PPP2R2C: variants seen among roughly 807,000 people sequenced by gnomAD.
PPP2R2C encodes protein phosphatase 2, regulatory subunit B, gamma.
PPP2R2C carries 10 observed loss-of-function variants against 45.3 expected under a neutral mutation model. That is an observed-to-expected ratio of 0.22 (90% CI 0.14 to 0.37). The LOEUF is 0.37. Ranked by LOEUF, PPP2R2C falls within the 10% of genes least tolerant of loss-of-function variation. The pLI is 1.00. For missense variants in PPP2R2C, 308 were observed against 619.7 expected (o/e 0.50, Z 5.34); for synonymous variants, 257 against 245.4 (o/e 1.05, Z -0.44).
At chr4:6,479,505 A>C (rs1453497929) in intron 2 of PPP2R2C, among the ~76,000 whole-genome samples, 1 of 151,996 alleles carries the variant, frequency 6.6e-6, no homozygotes, top group Non-Finnish European at 1.5e-5. Flanking sequence ...ATGAAGACGA[A>C]GTCTGTGTGG....
At chr4:6,494,771 C>T (rs950697589) in intron 2 of PPP2R2C, among the ~76,000 whole-genome samples, 1 of 152,228 alleles carries the variant, frequency 6.6e-6, no homozygotes, top group African/African-American at 2.4e-5. Context: ...CTTGGCCCTT[C>T]CTGGAGTGTG....
chr4:6,496,800 G>T (rs1722892302), intron 2 of PPP2R2C, among the ~76,000 whole-genome samples: 1 of 152,044 alleles, frequency 6.6e-6, no homozygotes, highest in Admixed American at 6.6e-5. Context: ...GGTGGAGGTT[G>T]CAGTGAGCCG....
intron 1 of PPP2R2C, among the ~76,000 whole-genome samples, chr4:6,393,419 C>CA (rs1484218505): frequency 2.0e-5 from 3 of 152,234 alleles, no homozygotes; most frequent in African/African-American, 7.2e-5. Context: ...TGACACAGAT[C>CA]AGTACATCAT....
intron 1 of PPP2R2C, among the ~76,000 whole-genome samples, chr4:6,427,474 T>G (rs1719392420): frequency 6.6e-6 from 1 of 152,170 alleles, no homozygotes; most frequent in African/African-American, 2.4e-5. Context: ...CACCCTTGGC[T>G]CCAGCAAGGC....
At chr4:6,526,174 T>A (rs180797205) in intron 2 of PPP2R2C, among the ~76,000 whole-genome samples, 55 of 152,382 alleles carry the variant, frequency 3.6e-4, no homozygotes, top group Middle Eastern at 3.4e-3. Context: ...GCATGTAACA[T>A]ACATGTTAGC....
chr4:6,488,320 G>T (rs1416890183), intron 2 of PPP2R2C, among the ~76,000 whole-genome samples: 1 of 152,174 alleles, frequency 6.6e-6, no homozygotes, highest in East Asian at 1.9e-4. Context: ...CTTTTAGGGT[G>T]CTGGATTTGT....
At chr4:6,385,174 C>G (rs2109321899) in intron 1 of PPP2R2C, among the ~76,000 whole-genome samples, 1 of 152,316 alleles carries the variant, frequency 6.6e-6, no homozygotes, top group South Asian at 2.1e-4. Context: ...CGCCCAACCT[C>G]ACTGTGGATG....
At chr4:6,472,034 G>A (rs1721923987) in intron 1 of PPP2R2C, 126 bp downstream of exon 1, 23 of 1,103,354 alleles carry the variant, frequency 2.1e-5, no homozygotes, top group Non-Finnish European at 2.5e-5. Context: ...GTGGGATGGG[G>A]TGGGGTGGGG....
chr4:6,346,815 C>A (rs1433663365), intron 6 of PPP2R2C, among the ~76,000 whole-genome samples: 1 of 152,212 alleles, frequency 6.6e-6, no homozygotes, highest in East Asian at 1.9e-4. Flanking sequence ...CGCTCCCAAA[C>A]AGCCCTCTGC....
chr4:6,423,008 G>A (rs900611578), intron 1 of PPP2R2C, among the ~76,000 whole-genome samples: 2 of 152,152 alleles, frequency 1.3e-5, no homozygotes, highest in Non-Finnish European at 2.9e-5. Context: ...AGTGAGAAGG[G>A]GTTGTCATCG....
intron 2 of PPP2R2C, among the ~76,000 whole-genome samples, chr4:6,489,988 T>A (rs970122356): frequency 1.3e-5 from 2 of 152,166 alleles, no homozygotes; most frequent in Non-Finnish European, 2.9e-5. Flanking sequence ...AAACAGGCAA[T>A]TAAGCATGAT....
intron 1 of PPP2R2C, among the ~76,000 whole-genome samples, chr4:6,419,085 T>C (rs1718794074): frequency 6.6e-6 from 1 of 152,164 alleles, no homozygotes. Flanking sequence ...GCTAAGAATG[T>C]TTTCTGCATT....
intron 2 of PPP2R2C, among the ~76,000 whole-genome samples, chr4:6,512,179 ATGGTGG>A (rs797013360): frequency 8.9e-5 from 2 of 22,462 alleles, no homozygotes; most frequent in African/African-American, 2.5e-4. Flanking sequence ...GATGGTGCTG[ATGGTGG>A]TGGTGGTGGT....
intron 1 of PPP2R2C, among the ~76,000 whole-genome samples, chr4:6,405,543 G>A (rs765339032): frequency 5.9e-5 from 9 of 152,168 alleles, no homozygotes; most frequent in East Asian, 3.9e-4. Flanking sequence ...GGGCAACCCC[G>A]TGCAGAGCAG....
chr4:6,383,220 A>T, intron 1 of PPP2R2C: 1 of 1,195,552 alleles, frequency 8.4e-7, no homozygotes, highest in Non-Finnish European at 1.1e-6. Context: ...GAGGAGGAAG[A>T]GTGGGTGCAG....
intron 1 of PPP2R2C, among the ~76,000 whole-genome samples, chr4:6,549,208 A>C (rs1299702271): frequency 6.6e-6 from 1 of 152,100 alleles, no homozygotes; most frequent in Admixed American, 6.5e-5. Flanking sequence ...TCCATGCCCC[A>C]TACAGCAGGC....
intron 1 of PPP2R2C, among the ~76,000 whole-genome samples, chr4:6,551,125 C>G (rs1166946447): frequency 6.6e-6 from 1 of 152,224 alleles, no homozygotes; most frequent in Admixed American, 6.5e-5. Flanking sequence ...ACAGGTGAGC[C>G]TCTTCCCCTT....
At chr4:6,492,650 A>G (rs1722733658) in intron 2 of PPP2R2C, among the ~76,000 whole-genome samples, 1 of 152,198 alleles carries the variant, frequency 6.6e-6, no homozygotes, top group South Asian at 2.1e-4. Flanking sequence ...TCATCCCTAC[A>G]GCAGGGACTC....
chr4:6,391,064 G>GGGCT (rs1268385702), intron 1 of PPP2R2C, among the ~76,000 whole-genome samples: 1 of 152,106 alleles, frequency 6.6e-6, no homozygotes, highest in African/African-American at 2.4e-5. Flanking sequence ...AAATGTGAAG[G>GGGCT]GGCTGGTGGG....
Sources: gnomAD v4.1 joint callset for allele counts (sites outside exome capture counted in the v4.1 genomes callset) on GRCh38, gnomAD v4.1.1 for gene constraint, MANE v1.5 for transcripts, NCBI Gene and HGNC (gene_info 2026-07-23, HGNC 2026-07-21) for gene names.